Variants in MDGA1 observed in about 807,000 individuals in gnomAD.
MDGA1 encodes the protein MAM domain containing glycosylphosphatidylinositol anchor 1, also known as MAM domain-containing glycosylphosphatidylinositol anchor protein 1.
Under a neutral mutation model 101.5 loss-of-function variants are expected in MDGA1, and 54 were observed. The observed-to-expected ratio is 0.53, with a 90% confidence interval of 0.43 to 0.67. The LOEUF (loss-of-function observed/expected upper bound fraction) is 0.67. MDGA1 is among the 30% of genes least tolerant of loss of function. The pLI is 0.00. For synonymous variants in MDGA1, 533 were observed against 558.3 expected, an observed-to-expected ratio of 0.95 and a Z score of 0.64; for missense variants, 1,083 against 1,323.8, an observed-to-expected ratio of 0.82 and a Z score of 2.82.
At chr6:37,691,038 C>T (rs1322793943) in intron 1 of MDGA1, among the ~76,000 whole-genome samples, 3 of 152,082 alleles carry the variant, frequency 2.0e-5, no homozygotes, top group Non-Finnish European at 2.9e-5. Context: ...ACCTTTTATC[C>T]GCCCTTGCTA....
At chr6:37,663,895 C>T in intron 2 of MDGA1, 72 bp downstream of exon 2, 1 of 1,560,544 alleles carries the variant, frequency 6.4e-7, no homozygotes, top group Non-Finnish European at 8.8e-7. Flanking sequence ...CTCCTGCTGC[C>T]TCTTCTTAAG....
rs562365835 is a variant in MDGA1, at chr6:37,689,569, G to T, written c.67+7176C>A. ...TCCATCTGACAAGCGGAGAAGCCAC[G>T]GCTTAGAAAGCAGATGTAACTTCCT... On this transcript the variant is annotated intron_variant, in intron 1 of 16. Transcript: ENST00000434837. Among the ~76,000 whole-genome samples, 4 of 152,318 alleles carry T rather than the reference G, an allele frequency of 2.6e-5. No homozygotes were observed. The South Asian group carries it at 8.3e-4, about 32-fold the overall frequency.
rs892117751 is a variant in MDGA1 at position 37,654,790 on chromosome 6, A to G, written c.712+10T>C. The G allele has an allele frequency of 6.2e-7, 1 of 1,613,424 alleles. No individual in the cohort carries two copies. Among genetic ancestry groups the G allele is most frequent in the Non-Finnish European group, 8.5e-7 (1 of 1,179,710 alleles). On this transcript the variant is annotated intron_variant, in intron 5 of 16. Transcript: ENST00000434837. Reference sequence around the variant, plus strand: ...GTAGGGAAGGAGTATGGGGAGGAAAATGCCTGTACCCGTGGTGTTGGTGAG... The same window carrying G: ...GTAGGGAAGGAGTATGGGGAGGAAAGTGCCTGTACCCGTGGTGTTGGTGAG...
At position 37,644,687 on chromosome 6, in the gene MDGA1, T is replaced by C. The variant is rs201136507; in HGVS notation, c.2249-38A>G. 20 of 1,486,508 alleles carry C rather than the reference T, an allele frequency of 1.3e-5. No individual in the cohort carries two copies. The African/African-American group carries it at 2.8e-4, about 21-fold the overall frequency. 92.1% of individuals were successfully genotyped at this position (1,486,508 alleles called of 1,614,324 possible). A position where few individuals can be genotyped will look rare whatever the true frequency, so the allele number is the denominator to read the frequency against. The stretch of plus-strand genomic sequence containing the variant: ...GGGCGAATGAGACAAAGAGTCAGCC[T>C]CTTCAGTCCCTGAGGCCCAGCCTCG... On this transcript the variant is annotated intron_variant, in intron 12 of 16. Coordinates refer to ENST00000434837, the MANE Select transcript of MDGA1 (RefSeq NM_153487.4).
intron 1 of MDGA1, among the ~76,000 whole-genome samples, chr6:37,670,668 C>T (rs1761849539): frequency 1.3e-5 from 2 of 152,258 alleles, no homozygotes; most frequent in Non-Finnish European, 2.9e-5. Context: ...GAATTCACAT[C>T]CCCTGCAGCC....
intron 2 of MDGA1, among the ~76,000 whole-genome samples, chr6:37,659,061 G>A (rs1467491623): frequency 1.3e-5 from 2 of 152,080 alleles, no homozygotes; most frequent in Non-Finnish European, 2.9e-5. Flanking sequence ...CAATGGAGGG[G>A]CTCACTTGGG....
chr6:37,696,931 G>C lies in MDGA1; in HGVS notation c.-120C>G, dbSNP rs1439271519. 2.4e-6 allele frequency: 2 copies of C among 820,034 alleles called. No homozygotes were observed. The highest frequency in any genetic ancestry group is 4.0e-6 in the Non-Finnish European group (2 of 494,024). The allele number at this position is 820,034 out of a possible 1,614,324, so 50.8% of individuals were successfully genotyped here. A position where few individuals can be genotyped will look rare whatever the true frequency, so the allele number is the denominator to read the frequency against. On this transcript the variant is annotated 5_prime_UTR_variant, in exon 1 of 17. Coordinates refer to ENST00000434837, the MANE Select transcript of MDGA1 (RefSeq NM_153487.4). This position sits in a 1 kb window ranked among gnomAD's most constrained non-coding sequence, Gnocchi z 5.6. ...CCCTTTCCCTGAGAGGTGAGAGAGA[G>C]AGCGGCGACGAAGACCAGGAGACTG...
At chr6:37,694,565 G>C (rs189071236) in intron 1 of MDGA1, among the ~76,000 whole-genome samples, 1 of 152,102 alleles carries the variant, frequency 6.6e-6, no homozygotes, top group African/African-American at 2.4e-5. Flanking sequence ...CCAGATCTTC[G>C]ACCTACTTCT....
chr6:37,650,531 G>C (rs813079), intron 7 of MDGA1, 126 bp from the exon 8 acceptor site: 267,769 of 1,030,090 alleles, frequency 0.26, 40,399 homozygotes, highest in African/African-American at 0.63. Context: ...CCAGACTTCC[G>C]ACTGGTCCCC....
intron 9 of MDGA1, 104 bp downstream of exon 9, chr6:37,648,878 G>C: frequency 6.9e-7 from 1 of 1,442,074 alleles, no homozygotes; most frequent in Non-Finnish European, 9.1e-7. Context: ...GCTTCAAGGG[G>C]GCCAGCAGGC....
At position 37,638,615 on chromosome 6, in the gene MDGA1, G is replaced by A. The variant is rs371073924; in HGVS notation, c.2589C>T (p.His863=). ...CCTTATTGCCACTGAGAGACCAGGC[G>A]TGCGTGTCCAGAGCCCCTTTGTTCC... ...RSRNKGALDT[H]AWSLSGNKGN... Residue 863 remains histidine (H), a synonymous_variant, in exon 15 of 17, where the codon CAC becomes CAT. Transcript: ENST00000434837. The surrounding 1 kb of genome is among the most constrained non-coding windows in gnomAD (Gnocchi z 4.8). 57 of 1,613,950 alleles carry A rather than the reference G, an allele frequency of 3.5e-5. No individual in the cohort carries two copies. Among genetic ancestry groups the A allele is most frequent in the East Asian group, 1.3e-4 (6 of 44,880 alleles).
At chr6:37,679,823 T>C (rs1762056424) in intron 1 of MDGA1, among the ~76,000 whole-genome samples, 5 of 152,120 alleles carry the variant, frequency 3.3e-5, no homozygotes, top group African/African-American at 1.2e-4. Context: ...GTCTTGTGCA[T>C]GGGGTAACTG....
chr6:37,637,264 G>C lies in MDGA1; in HGVS notation c.*104C>G. The C allele has an allele frequency of 1.1e-6, 1 of 915,322 alleles. No individual in the cohort carries two copies. The highest frequency in any genetic ancestry group is 1.6e-5 in the African/African-American group (1 of 61,374). 56.7% of individuals were successfully genotyped at this position (915,322 alleles called of 1,614,324 possible). A position where few individuals can be genotyped will look rare whatever the true frequency, so the allele number is the denominator to read the frequency against. ...TGCAGGCCCCCTCCCTGGCGGGCCG[G>C]CCCTGCCCCTGGGCACCCCAGCTGG... On this transcript the variant is annotated 3_prime_UTR_variant, in exon 17 of 17. Transcript: ENST00000434837.
chr6:37,664,842 GACACACACACACACACACAC>G (rs35594367), intron 1 of MDGA1, among the ~76,000 whole-genome samples: 777 of 55,248 alleles, frequency 0.014, 11 homozygotes, highest in Middle Eastern at 0.047. Flanking sequence ...CCTAACCTAA[GACACACACACACACACACAC>G]ACACACACAC....
intron 1 of MDGA1, among the ~76,000 whole-genome samples, chr6:37,665,009 G>T (rs994597544): frequency 3.3e-5 from 5 of 152,014 alleles, no homozygotes; most frequent in East Asian, 3.8e-4. Context: ...CAGAAGTTGG[G>T]GCCTGGGAGC....
chr6:37,654,532 G>A lies in MDGA1; in HGVS notation c.724C>T (p.Leu242=), dbSNP rs556387752. The change falls in exon 6 of 17, where the codon CTG becomes TTG. Residue 242 remains leucine (L), a synonymous_variant. Transcript: ENST00000434837. The stretch of plus-strand genomic sequence containing the variant: ...AGAGTTTCGTTCACAGACAGCTTCA[G>A]GGCTGGTGGTGCTAAGAGGACAAGG... ...RLTNTTAPPA[L]KLSVNETLVV... 6.2e-6 allele frequency: 10 copies of A among 1,614,018 alleles called. No homozygotes were observed. In the East Asian group the frequency reaches 8.9e-5, roughly 14 times the overall value.
At chr6:37,658,948 G>A (rs1253919866) in intron 2 of MDGA1, among the ~76,000 whole-genome samples, 1 of 132,866 alleles carries the variant, frequency 7.5e-6, no homozygotes, top group Non-Finnish European at 1.5e-5. Context: ...TCCAGCCTGG[G>A]CAACGGAGCA....
chr6:37,660,507 T>C (rs945916113), intron 2 of MDGA1, among the ~76,000 whole-genome samples: 3 of 152,056 alleles, frequency 2.0e-5, no homozygotes, highest in African/African-American at 7.3e-5. Context: ...TCCAATTCAC[T>C]AATTTTTTCT....
At position 37,693,143 on chromosome 6, in the gene MDGA1, G is replaced by A. The variant is rs935389873; in HGVS notation, c.67+3602C>T. ...GAAAAGAAAGAAGGAACAGAAGCAC[G>A]GAGCTTCTCGAGGACAAAAGAGAAC... On this transcript the variant is annotated intron_variant, in intron 1 of 16. Transcript: ENST00000434837. Among the ~76,000 whole-genome samples, 10 of 152,280 alleles carry A rather than the reference G, an allele frequency of 6.6e-5. No homozygotes were observed. In the South Asian group the frequency reaches 1.2e-3, roughly 19 times the overall value.
Sources: allele counts gnomAD v4.1 joint callset (sites outside exome capture counted in the v4.1 genomes callset), GRCh38; gene constraint gnomAD v4.1.1; non-coding constraint Gnocchi (gnomAD v3.1); transcripts MANE v1.5; gene names NCBI Gene and HGNC (gene_info 2026-07-23, HGNC 2026-07-21).